The following ZNF536 variants were observed in gnomAD, a reference collection of about 807,000 sequenced individuals.
The protein encoded by ZNF536 is zinc finger protein 536.
In ZNF536, 13 loss-of-function variants were observed where a neutral mutation model predicts 84.5. That is an observed-to-expected ratio of 0.15 (90% CI 0.10 to 0.24). The LOEUF (loss-of-function observed/expected upper bound fraction) is 0.24. ZNF536 is among the 10% of genes least tolerant of loss of function. The pLI is 1.00. For missense variants in ZNF536, 1,536 were observed against 1,747.5 expected (o/e 0.88, Z 2.16); for synonymous variants, 811 against 742.5 (o/e 1.09, Z -1.50).
intron 1 of ZNF536, among the ~76,000 whole-genome samples, chr19:30,682,804 G>T (rs2051029713): frequency 6.6e-6 from 1 of 152,128 alleles, no homozygotes; most frequent in Non-Finnish European, 1.5e-5. Context: ...CCCTCTCCCC[G>T]GGAGTGGAAA....
chr19:30,446,271 A>AAAAAAAAAAAAAAAAAAAAAG (rs1555767559), intron 2 of ZNF536, among the ~76,000 whole-genome samples: 1 of 147,160 alleles, frequency 6.8e-6, no homozygotes, highest in Non-Finnish European at 1.5e-5. Context: ...AAAAAAAAAA[A>AAAAAAAAAAAAAAAAAAAAAG]AAAGAAAGAA....
At chr19:30,700,185 T>C (rs1275312789) in intron 1 of ZNF536, among the ~76,000 whole-genome samples, 37 of 129,658 alleles carry the variant, frequency 2.9e-4, no homozygotes, top group African/African-American at 1.1e-3. Flanking sequence ...CTTTCTTTTC[T>C]TTCCTTCTTT....
chr19:30,257,631 G>A (rs1404993864), intron 1 of ZNF536, among the ~76,000 whole-genome samples: 3 of 152,230 alleles, frequency 2.0e-5, no homozygotes, highest in Non-Finnish European at 2.9e-5. Flanking sequence ...GCTTTAGGTT[G>A]ACTCTGTTTA....
chr19:30,568,025 TATG>T, intron 1 of ZNF536, among the ~76,000 whole-genome samples: 1 of 152,186 alleles, frequency 6.6e-6, no homozygotes, highest in Non-Finnish European at 1.5e-5. Flanking sequence ...TTAGGGCTAT[TATG>T]ATAATTAAAA....
chr19:30,400,156 T>G (rs2049989399), intron 1 of ZNF536, among the ~76,000 whole-genome samples: 1 of 152,180 alleles, frequency 6.6e-6, no homozygotes, highest in Admixed American at 6.5e-5. Context: ...TTTCCAGAAT[T>G]TGGCTGTTAT....
At chr19:30,711,865 T>A (rs887637362) in exon 2 of ZNF536, 1 of 152,212 alleles carries the variant, frequency 6.6e-6, no homozygotes, top group East Asian at 1.9e-4. Flanking sequence ...CCATAGAAGA[T>A]GCTGGTGAGC....
chr19:30,705,861 C>T (rs1600340211), intron 1 of ZNF536, among the ~76,000 whole-genome samples: 1 of 152,114 alleles, frequency 6.6e-6, no homozygotes, highest in South Asian at 2.1e-4. Flanking sequence ...ATGTTTTGAC[C>T]AGTGAAGTAT....
intron 3 of ZNF536, among the ~76,000 whole-genome samples, chr19:30,537,403 G>A (rs1299288363): frequency 6.6e-6 from 1 of 152,162 alleles, no homozygotes; most frequent in African/African-American, 2.4e-5. Context: ...TGGAAACCAG[G>A]CTAGGCATGT....
intron 1 of ZNF536, among the ~76,000 whole-genome samples, chr19:30,253,653 G>GT (rs2024742134): frequency 6.6e-6 from 1 of 152,250 alleles, no homozygotes; most frequent in Admixed American, 6.5e-5. Flanking sequence ...CCCATGGGCT[G>GT]TATCTGTGTG....
upstream of ZNF536, among the ~76,000 whole-genome samples, chr19:30,370,246 A>C (rs2048568086): frequency 6.6e-6 from 1 of 152,190 alleles, no homozygotes; most frequent in Admixed American, 6.5e-5. Flanking sequence ...GGAGTGCTAT[A>C]CTTTTTAGGG....
chr19:30,338,541 T>C (rs141890225), intron 2 of ZNF536, among the ~76,000 whole-genome samples: 16 of 152,224 alleles, frequency 1.1e-4, no homozygotes, highest in Non-Finnish European at 2.4e-4. Flanking sequence ...ATGATGGTGA[T>C]AGACCTTGTG....
intron 2 of ZNF536, among the ~76,000 whole-genome samples, chr19:30,299,553 G>A (rs2046112430): frequency 6.6e-6 from 1 of 152,060 alleles, no homozygotes; most frequent in Admixed American, 6.6e-5. Flanking sequence ...GTGGGGAGAA[G>A]GTTTAGATTT....
intron 1 of ZNF536, among the ~76,000 whole-genome samples, chr19:30,627,478 A>AAAAAAAAAAAAAAAC (rs2048729760): frequency 2.0e-5 from 1 of 49,548 alleles, no homozygotes; most frequent in African/African-American, 4.8e-5. Flanking sequence ...CAAAAAAAAA[A>AAAAAAAAAAAAAAAC]AAAAAAAAAA....
chr19:30,337,700 C>T (rs1476307296), intron 2 of ZNF536, among the ~76,000 whole-genome samples: 1 of 152,208 alleles, frequency 6.6e-6, no homozygotes, highest in Non-Finnish European at 1.5e-5. Context: ...GCTTAAGGCT[C>T]TGCTGGTACT....
At chr19:30,706,843 T>C (rs1019579060) in intron 1 of ZNF536, among the ~76,000 whole-genome samples, 15 of 152,194 alleles carry the variant, frequency 9.9e-5, no homozygotes, top group African/African-American at 3.4e-4. Context: ...GTCCATGAAC[T>C]GCTACAGAGC....
chr19:30,649,711 G>T (rs376994726), intron 1 of ZNF536, among the ~76,000 whole-genome samples: 5 of 152,206 alleles, frequency 3.3e-5, no homozygotes, highest in African/African-American at 1.2e-4. Context: ...TTGTTCTTTT[G>T]AAGCCCGAGA....
chr19:30,257,275 C>T (rs186234553), intron 1 of ZNF536, among the ~76,000 whole-genome samples: 4 of 152,274 alleles, frequency 2.6e-5, no homozygotes, highest in East Asian at 1.9e-4. Context: ...TTTGCAAATG[C>T]GGAAGACTTT....
chr19:30,528,231 AT>A (rs1234929815), intron 2 of ZNF536, among the ~76,000 whole-genome samples: 4 of 151,936 alleles, frequency 2.6e-5, no homozygotes, highest in African/African-American at 9.7e-5. Context: ...CATCATTATA[AT>A]TTTTTTTAAT....
chr19:30,298,706 G>T (rs2046085767), intron 2 of ZNF536, among the ~76,000 whole-genome samples: 1 of 152,224 alleles, frequency 6.6e-6, no homozygotes, highest in Admixed American at 6.5e-5. Flanking sequence ...AGGTATGCCA[G>T]TCTGGGAAGG....
Sources: allele counts gnomAD v4.1 joint callset (sites outside exome capture counted in the v4.1 genomes callset), GRCh38; gene constraint gnomAD v4.1.1; transcripts MANE v1.5; gene names NCBI Gene and HGNC (gene_info 2026-07-23, HGNC 2026-07-21).